NTM: variants seen among roughly 807,000 people sequenced by gnomAD.
The protein encoded by NTM is neurotrimin.
In NTM, 13 loss-of-function variants were observed where a neutral mutation model predicts 42.1. The observed-to-expected ratio is 0.31, with a 90% CI of 0.20 to 0.49. The LOEUF (loss-of-function observed/expected upper bound fraction) is 0.49, where lower values mean the gene tolerates loss of function less well. Among genes scored for constraint, NTM ranks in the 20% least tolerant of loss-of-function variants. The probability of loss-of-function intolerance (pLI) is 0.99; values close to 1 mark genes in which losing one functional copy is unlikely to be tolerated. For missense variants in NTM, 373 were observed against 452.8 expected (o/e 0.82, Z 1.60); for synonymous variants, 187 against 179.2 (o/e 1.04, Z -0.35).
intron 1 of NTM, among the ~76,000 whole-genome samples, chr11:131,735,267 T>A (rs2080265143): frequency 6.6e-6 from 1 of 152,198 alleles, no homozygotes; most frequent in Admixed American, 6.5e-5. Context: ...GGAGAAAGCT[T>A]TGTGGTATTT....
In NTM at chr11:131,826,982, G is replaced by T. The variant is rs78210428; in HGVS notation, c.83-84582G>T. Among the ~76,000 whole-genome samples, 27 of 152,236 alleles carry T rather than the reference G, an allele frequency of 1.8e-4. No homozygotes were observed. In the East Asian group the frequency reaches 5.0e-3, roughly 28 times the overall value. Reference sequence around the variant, plus strand: ...TCTGTCCCTCTAGTTCATGGCTGGAGGTGGTAGTGCCCCCAGGGAGTGCAT... The same window carrying T: ...TCTGTCCCTCTAGTTCATGGCTGGATGTGGTAGTGCCCCCAGGGAGTGCAT... On this transcript the variant is annotated intron_variant, in intron 1 of 8. Coordinates refer to ENST00000683400, the MANE Select transcript of NTM (RefSeq NM_001352005.2).
At chr11:131,435,322 T>G (rs1949031948) in intron 1 of NTM, among the ~76,000 whole-genome samples, 2 of 152,246 alleles carry the variant, frequency 1.3e-5, no homozygotes, top group Admixed American at 6.5e-5. Context: ...TCCAATTCTG[T>G]GAAGAAAGTC....
chr11:132,318,528 G>A (rs3099769), intron 7 of NTM, among the ~76,000 whole-genome samples: 42,313 of 151,940 alleles, frequency 0.28, 7,464 homozygotes, highest in Non-Finnish European at 0.4. Flanking sequence ...AATATCTCCC[G>A]CGTCTCTTGC....
intron 1 of NTM, among the ~76,000 whole-genome samples, chr11:131,633,887 G>A (rs1332195693): frequency 6.6e-6 from 1 of 151,900 alleles, no homozygotes; most frequent in African/African-American, 2.4e-5. Context: ...CTACCACAGA[G>A]AGTGATTTCT....
intron 4 of NTM, among the ~76,000 whole-genome samples, chr11:132,268,633 ATGTG>A (rs1327503511): frequency 7.6e-6 from 1 of 131,618 alleles, no homozygotes; most frequent in Non-Finnish European, 1.6e-5. Flanking sequence ...GTGTGTGTGT[ATGTG>A]TGTGTTTGTG....
intron 1 of NTM, among the ~76,000 whole-genome samples, chr11:131,409,619 AGTG>A (rs1946158183): frequency 6.6e-6 from 1 of 152,236 alleles, no homozygotes; most frequent in African/African-American, 2.4e-5. Flanking sequence ...AGGCCTCTGA[AGTG>A]GTGCAGCGGC....
intron 3 of NTM, among the ~76,000 whole-genome samples, chr11:132,205,842 T>C (rs61906025): frequency 0.011 from 1,638 of 152,288 alleles, 17 homozygotes; most frequent in South Asian, 0.025. Context: ...ATAATAGTAA[T>C]ATTCTTCCTG....
At chr11:132,145,828 T>G (rs553998838) in intron 2 of NTM, among the ~76,000 whole-genome samples, 1 of 152,158 alleles carries the variant, frequency 6.6e-6, no homozygotes, top group Non-Finnish European at 1.5e-5. Flanking sequence ...GAGAACTAGT[T>G]TAGTTTAGTT....
At chr11:131,936,942 T>A (rs1384778132) in intron 2 of NTM, among the ~76,000 whole-genome samples, 1 of 152,238 alleles carries the variant, frequency 6.6e-6, no homozygotes, top group African/African-American at 2.4e-5. Flanking sequence ...AATAACATAT[T>A]CAAGCAAACT....
At chr11:132,155,331 G>A (rs887189582) in intron 3 of NTM, among the ~76,000 whole-genome samples, 6 of 152,222 alleles carry the variant, frequency 3.9e-5, no homozygotes, top group African/African-American at 1.4e-4. Flanking sequence ...GTGCAGGGAA[G>A]CAGAAGAGCA....
intron 2 of NTM, among the ~76,000 whole-genome samples, chr11:132,044,068 A>G (rs1435537020): frequency 2.2e-4 from 14 of 63,746 alleles, no homozygotes; most frequent in Admixed American, 6.9e-4. Flanking sequence ...ATGTGTGTGT[A>G]TGTGTATGTG....
At chr11:132,141,725 C>T (rs1051792081) in intron 2 of NTM, among the ~76,000 whole-genome samples, 3 of 152,208 alleles carry the variant, frequency 2.0e-5, no homozygotes, top group African/African-American at 7.2e-5. Context: ...TGCAGACAGA[C>T]ACACACAGAC....
intron 2 of NTM, among the ~76,000 whole-genome samples, chr11:132,125,374 G>GTGTGGTT (rs2065531461): frequency 6.7e-6 from 1 of 150,146 alleles, no homozygotes; most frequent in Non-Finnish European, 1.5e-5. Flanking sequence ...TATGATGTGT[G>GTGTGGTT]TGTGGTGGTG....
chr11:131,527,950 T>A (rs1302551342), intron 1 of NTM, among the ~76,000 whole-genome samples: 1 of 152,216 alleles, frequency 6.6e-6, no homozygotes, highest in African/African-American at 2.4e-5. Context: ...TCTGAAATGT[T>A]CCAAAATCTG....
At chr11:131,624,356 G>A (rs1329105660) in intron 1 of NTM, among the ~76,000 whole-genome samples, 1 of 152,090 alleles carries the variant, frequency 6.6e-6, no homozygotes, top group African/African-American at 2.4e-5. Context: ...GCAGCACAGT[G>A]GTCTCATTAG....
At chr11:131,531,314 G>T (rs562442833) in intron 1 of NTM, among the ~76,000 whole-genome samples, 69 of 152,014 alleles carry the variant, frequency 4.5e-4, no homozygotes, top group Admixed American at 1.4e-3. Context: ...AATTTTTTTT[G>T]GGGGGGAGGT....
intron 1 of NTM, among the ~76,000 whole-genome samples, chr11:131,681,767 G>A (rs2072959433): frequency 7.5e-6 from 1 of 133,864 alleles, no homozygotes; most frequent in Non-Finnish European, 1.7e-5. Flanking sequence ...CTGTGTGTGT[G>A]AGCGTGTGTG....
intron 3 of NTM, among the ~76,000 whole-genome samples, chr11:132,198,309 G>T (rs928847850): frequency 6.6e-6 from 1 of 152,084 alleles, no homozygotes; most frequent in Non-Finnish European, 1.5e-5. Flanking sequence ...GAGCTAAAGT[G>T]ATCCAGCCTC....
intron 1 of NTM, among the ~76,000 whole-genome samples, chr11:131,460,827 T>TA (rs1238416133): frequency 1.3e-5 from 2 of 152,200 alleles, no homozygotes; most frequent in Non-Finnish European, 2.9e-5. Flanking sequence ...GTGCTGGAAT[T>TA]ACAGGCGTGA....
Sources: gnomAD v4.1 joint callset for allele counts (sites outside exome capture counted in the v4.1 genomes callset) on GRCh38, gnomAD v4.1.1 for gene constraint, MANE v1.5 for transcripts, NCBI Gene and HGNC (gene_info 2026-07-23, HGNC 2026-07-21) for gene names.